Variants in POTEB2 observed in about 807,000 individuals in gnomAD.
POTEB2 encodes the protein POTE ankyrin domain family member B2.
Under a neutral mutation model 1.8 loss-of-function variants are expected in POTEB2, and 1 was observed. The observed-to-expected ratio is 0.55, with a 90% CI of 0.20 to 2.62. The LOEUF (loss-of-function observed/expected upper bound fraction) is 2.62, where lower values mean the gene tolerates loss of function less well. Among genes scored for constraint, POTEB2 ranks in the 30% most tolerant of loss-of-function variants. The pLI is 0.24.
Position 20,836,478 on chromosome 15 carries a change from C to A in POTEB2, c.1422+766G>T, listed in dbSNP as rs1314911839. On this transcript the variant is annotated intron_variant, in intron 10 of 10. Coordinates refer to ENST00000454856, the MANE Select transcript of POTEB2 (RefSeq NM_001277303.1). Reference sequence around the variant, plus strand: ...TTCTGATGCTACTGTTAGTGATCCTCCACAAAATCAGTTGCTTCTGTGGTG... The same window carrying A: ...TTCTGATGCTACTGTTAGTGATCCTACACAAAATCAGTTGCTTCTGTGGTG... 1.9e-4 allele frequency among the ~76,000 whole-genome samples: 10 copies of A among 53,728 alleles called. 1 individual carries two copies. Among genetic ancestry groups the A allele is most frequent in the African/African-American group, 6.7e-4 (10 of 14,858 alleles). 35.2% of individuals were successfully genotyped at this position (53,728 alleles called of 152,430 possible).
chr15:20,836,354 G>A lies in POTEB2; in HGVS notation c.1423-751C>T, dbSNP rs1358681145. Among the ~76,000 whole-genome samples, 12 of 55,494 alleles carry A rather than the reference G, an allele frequency of 2.2e-4. 2 individuals are homozygous for A. The highest frequency in any genetic ancestry group is 7.3e-4 in the African/African-American group (12 of 16,398). 36.4% of individuals were successfully genotyped at this position (55,494 alleles called of 152,430 possible). On this transcript the variant is annotated intron_variant, in intron 10 of 10. Coordinates refer to ENST00000454856, the MANE Select transcript of POTEB2 (RefSeq NM_001277303.1). ...TGAGTTTGTGCCATTGCACTCCAGC[G>A]TGGGTGACAGTGCAAGACTCCATCT...
chr15:20,858,821 A>ATT (rs1403581522), intron 3 of POTEB2, among the ~76,000 whole-genome samples: 1 of 41,634 alleles, frequency 2.4e-5, no homozygotes, highest in Non-Finnish European at 4.4e-5. Context: ...TCCTATCTGT[A>ATT]TTCTTAATAA....
intron 9 of POTEB2, among the ~76,000 whole-genome samples, chr15:20,839,890 A>ATATATATTAAAGAAAAT (rs1555393679): frequency 7.7e-4 from 2 of 2,604 alleles, no homozygotes; most frequent in Non-Finnish European, 1.8e-3. Flanking sequence ...ATATATATAT[A>ATATATATTAAAGAAAAT]TATATATATA....
In POTEB2 at chr15:20,852,738, A is replaced by T. The variant is rs2605958; in HGVS notation, c.1015+1319T>A. Among the ~76,000 whole-genome samples, 7 of 111,124 alleles carry T rather than the reference A, an allele frequency of 6.3e-5. No individual in the cohort carries two copies. In the East Asian group the frequency reaches 1.6e-3, roughly 26 times the overall value. 72.9% of individuals were successfully genotyped at this position (111,124 alleles called of 152,430 possible). A position where few individuals can be genotyped will look rare whatever the true frequency, so the allele number is the denominator to read the frequency against. On this transcript the variant is annotated intron_variant, in intron 6 of 10. Coordinates refer to ENST00000454856, the MANE Select transcript of POTEB2 (RefSeq NM_001277303.1). The stretch of plus-strand genomic sequence containing the variant: ...AATTAATACATAATAAATCATAATT[A>T]TAAGCTTCCAGTTGGCATCTAGCAC...
In POTEB2 at chr15:20,836,394, C is replaced by T. The variant is rs866171492; in HGVS notation, c.1423-791G>A. On this transcript the variant is annotated intron_variant, in intron 10 of 10. Coordinates refer to ENST00000454856, the MANE Select transcript of POTEB2 (RefSeq NM_001277303.1). ...AGACTCCATCTAGAATACACACACA[C>T]ACACACACACACACACACACACATA... Among the ~76,000 whole-genome samples the T allele has an allele frequency of 2.9e-3, 233 of 80,838 alleles. 22 individuals carry two copies. The highest frequency in any genetic ancestry group is 4.3e-3 in the African/African-American group (100 of 23,210). 53.0% of individuals were successfully genotyped at this position (80,838 alleles called of 152,430 possible). A position where few individuals can be genotyped will look rare whatever the true frequency, so the allele number is the denominator to read the frequency against.
intron 9 of POTEB2, among the ~76,000 whole-genome samples, chr15:20,839,444 C>T (rs1275159338): frequency 4.6e-5 from 2 of 43,938 alleles, no homozygotes; most frequent in African/African-American, 2.9e-4. Flanking sequence ...CATGAATAGA[C>T]ATTTTTCAAA....
rs1889515037 is a variant in POTEB2 at position 20,846,580 on chromosome 15, C to A, written c.1131+465G>T. On this transcript the variant is annotated intron_variant, in intron 8 of 10. Coordinates refer to ENST00000454856, the MANE Select transcript of POTEB2 (RefSeq NM_001277303.1). Reference sequence around the variant, plus strand: ...GATGGTGCTCACTGAAACATGAAAACCAAAGTTTGCCACAACACAAGGAGC... The same window carrying A: ...GATGGTGCTCACTGAAACATGAAAAACAAAGTTTGCCACAACACAAGGAGC... Among the ~76,000 whole-genome samples the A allele has an allele frequency of 4.8e-5, 2 of 41,666 alleles. 1 individual carries two copies. Among genetic ancestry groups the A allele is most frequent in the South Asian group, 2.3e-3 (2 of 876 alleles). 27.3% of individuals were successfully genotyped at this position (41,666 alleles called of 152,430 possible).
chr15:20,838,045 T>A (rs1293518857), intron 9 of POTEB2, among the ~76,000 whole-genome samples: 96 of 59,800 alleles, frequency 1.6e-3, no homozygotes, highest in African/African-American at 5.7e-3. Context: ...TAACTCAAAC[T>A]TTTTATGTTT....
chr15:20,844,821 G>T (rs1274976284), intron 9 of POTEB2, among the ~76,000 whole-genome samples: 40 of 51,720 alleles, frequency 7.7e-4, no homozygotes, highest in African/African-American at 2.8e-3. Context: ...TGCTAACAAG[G>T]TACAGTGTCA....
At position 20,860,745 on chromosome 15, in the gene POTEB2, GA is replaced by G. The variant is rs1324393336; in HGVS notation, c.699+296del. Among the ~76,000 whole-genome samples, 5 of 15,928 alleles carry G rather than the reference GA, an allele frequency of 3.1e-4. 2 individuals carry two copies. The highest frequency in any genetic ancestry group is 1.3e-3 in the African/African-American group (2 of 1,536). The allele number at this position is 15,928 out of a possible 152,430, so 10.4% of individuals were successfully genotyped here. ...ATTTTGTCATTTTACATTTGTTAGG[GA>G]AAAAAAAACTTGGCAGGGAAAAATT... On this transcript the variant is annotated intron_variant, in intron 3 of 10. Coordinates refer to ENST00000454856, the MANE Select transcript of POTEB2 (RefSeq NM_001277303.1).
chr15:20,836,668 G>A (rs868539049), intron 10 of POTEB2, among the ~76,000 whole-genome samples: 30 of 2,318 alleles, frequency 0.013, no homozygotes, highest in East Asian at 0.12. Context: ...TGTGAAATAC[G>A]GGAAACGTAC....
At chr15:20,862,522 CT>C (rs1166473146) in intron 1 of POTEB2, among the ~76,000 whole-genome samples, 1 of 55,480 alleles carries the variant, frequency 1.8e-5, no homozygotes, top group African/African-American at 7.1e-5. Flanking sequence ...ATTTGTGGAG[CT>C]TTTTTCAACT....
chr15:20,846,663 T>C (rs1312104917), intron 8 of POTEB2, among the ~76,000 whole-genome samples: 1 of 39,804 alleles, frequency 2.5e-5, no homozygotes, highest in Non-Finnish European at 3.9e-5. Flanking sequence ...GTTCCCCAAA[T>C]TTCACATTCA....
At chr15:20,839,372 CAGA>C (rs1212549696) in intron 9 of POTEB2, among the ~76,000 whole-genome samples, 1 of 48,420 alleles carries the variant, frequency 2.1e-5, no homozygotes, top group East Asian at 1.0e-3. Flanking sequence ...CATAACCTAC[CAGA>C]AGCTCAAACA....
At chr15:20,860,455 AAAAAC>A (rs370685882) in intron 3 of POTEB2, among the ~76,000 whole-genome samples, 23 of 43,124 alleles carry the variant, frequency 5.3e-4, no homozygotes, top group East Asian at 9.9e-4. Context: ...AAACAAAAAC[AAAAAC>A]AAAAAAAAAC....
chr15:20,837,970 GC>G, intron 9 of POTEB2, among the ~76,000 whole-genome samples: 1 of 54,758 alleles, frequency 1.8e-5, no homozygotes, highest in Non-Finnish European at 3.6e-5. Context: ...TTGCTGTGTG[GC>G]CCAGGTCCTA....
At chr15:20,839,204 C>G (rs1351751459) in intron 9 of POTEB2, among the ~76,000 whole-genome samples, 1 of 114,760 alleles carries the variant, frequency 8.7e-6, no homozygotes, top group Non-Finnish European at 1.7e-5. Flanking sequence ...GCAAAAGCAA[C>G]AAAAATAAAA....
chr15:20,839,465 C>T (rs1383163571), intron 9 of POTEB2, among the ~76,000 whole-genome samples: 1 of 40,334 alleles, frequency 2.5e-5, no homozygotes, highest in Non-Finnish European at 4.0e-5. Flanking sequence ...AGAAGATGTA[C>T]AAATGGTGAA....
intron 9 of POTEB2, among the ~76,000 whole-genome samples, chr15:20,839,892 A>ATATATATTAAAGAAAAT (rs1889429603): frequency 5.7e-5 from 1 of 17,666 alleles, no homozygotes; most frequent in Non-Finnish European, 1.1e-4. Context: ...ATATATATAT[A>ATATATATTAAAGAAAAT]TATATATATA....
Sources: allele counts gnomAD v4.1 joint callset (sites outside exome capture counted in the v4.1 genomes callset), GRCh38; gene constraint gnomAD v4.1.1; transcripts MANE v1.5; gene names NCBI Gene and HGNC (gene_info 2026-07-23, HGNC 2026-07-21).